Variants in COG4 observed in about 807,000 individuals in gnomAD.
COG4 encodes the protein component of oligomeric golgi complex 4, also known as conserved oligomeric Golgi complex subunit 4.
A neutral mutation model predicts 95.1 loss-of-function variants in COG4; 65 were observed. That is an observed-to-expected ratio of 0.68 (90% confidence interval 0.56 to 0.84). The LOEUF is 0.84. Among genes scored for constraint, COG4 ranks in the 40% least tolerant of loss-of-function variants. COG4 has a pLI of 0.00. For synonymous variants in COG4, 421 were observed against 374.8 expected, an observed-to-expected ratio of 1.12 and a Z score of -1.42; for missense variants, 1,045 against 989.1, an observed-to-expected ratio of 1.06 and a Z score of -0.76.
intron 5 of COG4, among the ~76,000 whole-genome samples, chr16:70,511,513 G>A (rs1349101016): frequency 1.3e-5 from 2 of 151,214 alleles, no homozygotes; most frequent in African/African-American, 2.4e-5. Flanking sequence ...CCAGGAGTTC[G>A]AGACCAGCCT....
chr16:70,503,591 T>C (rs1042982776), intron 8 of COG4, among the ~76,000 whole-genome samples: 41 of 105,990 alleles, frequency 3.9e-4, no homozygotes, highest in Admixed American at 1.5e-3. Flanking sequence ...AACTCCTACT[T>C]ACTCTTTTTT....
At chr16:70,520,203 A>G (rs1426695378) in intron 1 of COG4, among the ~76,000 whole-genome samples, 1 of 152,140 alleles carries the variant, frequency 6.6e-6, no homozygotes, top group Non-Finnish European at 1.5e-5. Flanking sequence ...TGGGAGGCCA[A>G]GGCAGGCGGA....
Position 70,482,772 on chromosome 16 carries a change from G to A in COG4, c.1877C>T (p.Pro626Leu). 6.2e-7 allele frequency: 1 copy of A among 1,613,856 alleles called. No individual in the cohort carries two copies. ...NSTAIKPQVQ[P>L]WINSFFSVSH... Reference sequence around the variant, plus strand: ...GACGGAGAAAAAGCTGTTGATCCAAGGCTGCACCTGTGGCTTGATGGCTGT... The same window carrying A: ...GACGGAGAAAAAGCTGTTGATCCAAAGCTGCACCTGTGGCTTGATGGCTGT... Residue 626 changes from proline (P) to leucine (L), a missense_variant, in exon 15 of 19, where the codon CCT (proline) becomes CTT (leucine). By Grantham distance (98) the Pro-to-Leu change is moderately conservative. Coordinates refer to ENST00000323786, the MANE Select transcript of COG4 (RefSeq NM_015386.3).
intron 15 of COG4, 75 bp downstream of exon 15, chr16:70,482,654 T>C (rs1020463776): frequency 8.3e-6 from 10 of 1,206,328 alleles, no homozygotes; most frequent in Non-Finnish European, 1.2e-5. Flanking sequence ...TCTGTTCAGA[T>C]GGCTCTGCTC....
At position 70,510,298 on chromosome 16, in the gene COG4, C is replaced by T. The variant is rs573469829; in HGVS notation, c.739-277G>A. On this transcript the variant is annotated intron_variant, in intron 5 of 18. Transcript: ENST00000323786. ...CAAGGGAGAGAGTCCCCAGTTTCAA[C>T]AATCTTCTCAAAGGGTAACTTTCTA... is the stretch of plus-strand genomic sequence containing the variant. Among the ~76,000 whole-genome samples the T allele has an allele frequency of 2.0e-5, 3 of 152,284 alleles. No homozygotes were observed. In the South Asian group the frequency reaches 6.2e-4, roughly 32 times the overall value.
intron 9 of COG4, among the ~76,000 whole-genome samples, chr16:70,499,920 A>G (rs997358794): frequency 2.0e-5 from 3 of 152,174 alleles, no homozygotes; most frequent in Admixed American, 1.3e-4. Context: ...TCGGCCTCCC[A>G]AAGTGCTGGG....
rs758588553 is a variant in COG4, at chr16:70,481,345, G to A, written c.2235+14C>T. 1 of 1,612,040 alleles carries A rather than the reference G, an allele frequency of 6.2e-7. No homozygotes were observed. The highest frequency in any genetic ancestry group is 8.5e-7 in the Non-Finnish European group (1 of 1,179,966). ...GTCACCCCTCCCTGGCTGGGCCAAG[G>A]GTGCCCCACCTACCCGCTCCAGATT... On this transcript the variant is annotated intron_variant, in intron 18 of 18. Coordinates refer to ENST00000323786, the MANE Select transcript of COG4 (RefSeq NM_015386.3).
intron 8 of COG4, chr16:70,501,408 C>A (rs889259118): frequency 3.0e-6 from 1 of 328,316 alleles, no homozygotes; most frequent in South Asian, 2.8e-5. Context: ...GGCTGGAGTG[C>A]AGTGGCTCGA....
chr16:70,504,190 A>C (rs569419258), intron 8 of COG4, among the ~76,000 whole-genome samples: 38 of 152,204 alleles, frequency 2.5e-4, no homozygotes, highest in Admixed American at 4.6e-4. Flanking sequence ...GGGCGATTTT[A>C]TTCCCAGCTC....
intron 3 of COG4, chr16:70,515,953 GCCA>G (rs1307540417): frequency 4.0e-5 from 18 of 455,148 alleles, no homozygotes; most frequent in Middle Eastern, 3.2e-4. Context: ...GCAGGCATGA[GCCA>G]CCACACCTGG....
intron 13 of COG4, among the ~76,000 whole-genome samples, chr16:70,486,108 G>A (rs905443534): frequency 6.6e-6 from 1 of 150,918 alleles, no homozygotes; most frequent in Non-Finnish European, 1.5e-5. Context: ...TGTTAGCCAG[G>A]ATGGTCTCGA....
At chr16:70,485,895 G>C (rs1406783689) in intron 13 of COG4, among the ~76,000 whole-genome samples, 1 of 97,496 alleles carries the variant, frequency 1.0e-5, no homozygotes, top group Non-Finnish European at 1.8e-5. Context: ...CAGAATGCCT[G>C]TCTTTTTTTT....
Position 70,519,732 on chromosome 16 carries a change from C to T in COG4, c.172-1G>A. The T allele has an allele frequency of 6.2e-7, 1 of 1,611,282 alleles. No homozygotes were observed. On this transcript the variant is annotated splice_acceptor_variant, in intron 1 of 18. Transcript: ENST00000323786. LOFTEE classifies it high-confidence loss of function. The stretch of plus-strand genomic sequence containing the variant: ...CATCCAGCTCTCTCTCCACCACTTT[C>T]TGAAACACAGAGAAACATCCTGTCA...
intron 3 of COG4, among the ~76,000 whole-genome samples, chr16:70,514,847 G>C (rs1333297547): frequency 2.0e-5 from 3 of 151,602 alleles, no homozygotes; most frequent in Admixed American, 2.0e-4. Context: ...CAACTAGCTG[G>C]GATCACAGGC....
chr16:70,482,223 C>G (rs766054381), intron 15 of COG4, 48 bp from the exon 16 acceptor site: 4 of 1,095,442 alleles, frequency 3.7e-6, no homozygotes, highest in Non-Finnish European at 5.7e-6. Flanking sequence ...ATAAGAAGTA[C>G]CATTCATTGC....
rs2049644041 is a variant in COG4, at chr16:70,509,159, C to T, written c.1002+72G>A. 9.4e-6 allele frequency: 15 copies of T among 1,588,846 alleles called. No homozygotes were observed. In the South Asian group the frequency reaches 1.4e-4, roughly 15 times the overall value. ...ACCTTTTTTTTCACTTTTTCAAACC[C>T]TACAATTTATTCTACTCAGTGTTCC... On this transcript the variant is annotated intron_variant, in intron 7 of 18. Transcript: ENST00000323786.
At position 70,481,048 on chromosome 16, in the gene COG4, C is replaced by G. The variant is rs1567718770; in HGVS notation, c.2332G>C (p.Asp778His). ...EVRQVLALRI[D>H]FRSEDIKRLR... ...CTCTTGATATCTTCACTGCGGAAGTCTATCCGCAGGGCCAGCACCTGGCGC... is the reference window on the plus strand; with the variant it reads ...CTCTTGATATCTTCACTGCGGAAGTGTATCCGCAGGGCCAGCACCTGGCGC... Residue 778 changes from aspartate to histidine, a missense_variant, in exon 19 of 19, where the codon GAC (aspartate) becomes CAC (histidine). By Grantham distance (81) the Asp-to-His change is moderately conservative (BLOSUM62 -1). Transcript: ENST00000323786. The G allele has an allele frequency of 6.2e-7, 1 of 1,613,256 alleles. No individual in the cohort carries two copies. Among genetic ancestry groups the G allele is most frequent in the Non-Finnish European group, 8.5e-7 (1 of 1,180,020 alleles).
At chr16:70,502,280 C>CAAAAAAAA (rs59805765) in intron 8 of COG4, among the ~76,000 whole-genome samples, 1 of 19,092 alleles carries the variant, frequency 5.2e-5, no homozygotes, top group African/African-American at 1.1e-4. Context: ...GACTCCGTCT[C>CAAAAAAAA]AAAAAAAAAA....
intron 13 of COG4, among the ~76,000 whole-genome samples, chr16:70,484,653 C>T (rs1000694779): frequency 6.6e-6 from 1 of 152,178 alleles, no homozygotes; most frequent in African/African-American, 2.4e-5. Flanking sequence ...GTAATTCTAG[C>T]ACTTTGGGAG....
Sources: gnomAD v4.1 joint callset for allele counts (sites outside exome capture counted in the v4.1 genomes callset) on GRCh38, gnomAD v4.1.1 for gene constraint, MANE v1.5 for transcripts, NCBI Gene and HGNC (gene_info 2026-07-23, HGNC 2026-07-21) for gene names.